The following DLGAP2 variants were observed in gnomAD, a reference collection of about 807,000 sequenced individuals.
The protein encoded by DLGAP2 is disks large-associated protein 2.
In DLGAP2, 26 loss-of-function variants were observed where a neutral mutation model predicts 100.3. The ratio of observed to expected loss-of-function variants is 0.26; its 90% CI spans 0.19 to 0.36. DLGAP2 has a LOEUF of 0.36. Ranked by LOEUF, DLGAP2 falls within the 10% of genes least tolerant of loss-of-function variation. The probability of loss-of-function intolerance (pLI) is 1.00; values close to 1 mark genes in which losing one functional copy is unlikely to be tolerated. For synonymous variants in DLGAP2, 886 were observed against 630.1 expected, an observed-to-expected ratio of 1.41 and a Z score of -6.08; for missense variants, 1,858 against 1,453.2, an observed-to-expected ratio of 1.28 and a Z score of -4.53.
intron 3 of DLGAP2, among the ~76,000 whole-genome samples, chr8:1,275,369 A>G (rs1799661690): frequency 6.6e-6 from 1 of 151,534 alleles, no homozygotes; most frequent in Non-Finnish European, 1.5e-5. Flanking sequence ...TGGAAAAAAA[A>G]AAAAACACAA....
In DLGAP2 at chr8:1,269,839, C is replaced by T. The variant is rs116223930; in HGVS notation, c.106+10956C>T. On this transcript the variant is annotated intron_variant, in intron 3 of 14. Coordinates refer to ENST00000637795, the MANE Select transcript of DLGAP2 (RefSeq NM_001346810.2). The stretch of plus-strand genomic sequence containing the variant: ...TAGAGAATCACCGTGGTGTAATGGG[C>T]GCGCCAGAAGCCCTGGAACCAAAAA... 5.2e-3 allele frequency among the ~76,000 whole-genome samples: 785 copies of T among 152,256 alleles called. 5 individuals carry two copies. The highest frequency in any genetic ancestry group is 0.018 in the African/African-American group (741 of 41,556).
At chr8:1,133,072 C>CAG (rs529520725) in intron 2 of DLGAP2, among the ~76,000 whole-genome samples, 14 of 152,278 alleles carry the variant, frequency 9.2e-5, no homozygotes, top group African/African-American at 3.4e-4. Flanking sequence ...CTGTGAAGGA[C>CAG]AGTTCAAGGG....
At chr8:1,107,541 C>T (rs143071102) in intron 2 of DLGAP2, among the ~76,000 whole-genome samples, 4 of 152,288 alleles carry the variant, frequency 2.6e-5, no homozygotes, top group East Asian at 1.9e-4. Flanking sequence ...GTGGGAAGCT[C>T]GTGTGCTGTT....
At chr8:1,380,528 C>A (rs184293098) in intron 3 of DLGAP2, among the ~76,000 whole-genome samples, 1 of 150,068 alleles carries the variant, frequency 6.7e-6, no homozygotes, top group East Asian at 2.1e-4. Context: ...AGGCTTTTTT[C>A]TGAGAAAGTG....
intron 3 of DLGAP2, among the ~76,000 whole-genome samples, chr8:1,324,936 C>G (rs1176354226): frequency 6.6e-6 from 1 of 152,202 alleles, no homozygotes; most frequent in South Asian, 2.1e-4. Flanking sequence ...CTGCTTGGCT[C>G]AGCCTTGCCC....
intron 3 of DLGAP2, chr8:1,369,135 G>T (rs1282884043): frequency 6.6e-6 from 1 of 152,150 alleles, no homozygotes; most frequent in Non-Finnish European, 1.5e-5. Flanking sequence ...ACAGTTCTAT[G>T]TTATAAAATA....
At chr8:1,244,352 T>C (rs1019714083) in intron 2 of DLGAP2, among the ~76,000 whole-genome samples, 2 of 152,266 alleles carry the variant, frequency 1.3e-5, no homozygotes, top group African/African-American at 4.8e-5. Flanking sequence ...CACTATTGGC[T>C]GAGCACATGT....
chr8:1,428,747 A>G (rs1176892686), intron 3 of DLGAP2, among the ~76,000 whole-genome samples: 1 of 152,212 alleles, frequency 6.6e-6, no homozygotes, highest in Non-Finnish European at 1.5e-5. Context: ...GTCAAGTGGA[A>G]GCTTTGCAGG....
intron 2 of DLGAP2, among the ~76,000 whole-genome samples, chr8:1,128,260 G>A (rs949298740): frequency 7.3e-5 from 11 of 150,532 alleles, no homozygotes; most frequent in African/African-American, 2.7e-4. Context: ...GTTGTGTTCG[G>A]TGAGGACCTG....
chr8:1,249,293 G>A (rs563678460), intron 2 of DLGAP2, among the ~76,000 whole-genome samples: 66 of 152,278 alleles, frequency 4.3e-4, no homozygotes, highest in African/African-American at 9.1e-4. Context: ...TGTGGGTCCC[G>A]TGGGAAGGTC....
chr8:1,176,522 T>C (rs1346477299), intron 2 of DLGAP2, among the ~76,000 whole-genome samples: 1 of 152,194 alleles, frequency 6.6e-6, no homozygotes, highest in Non-Finnish European at 1.5e-5. Flanking sequence ...GATCCTGCCC[T>C]CACAGCCGCC....
chr8:853,961 TA>T (rs1160643534), intron 1 of DLGAP2, among the ~76,000 whole-genome samples: 1 of 152,058 alleles, frequency 6.6e-6, no homozygotes, highest in African/African-American at 2.4e-5. Context: ...AGTGCCTTTT[TA>T]AAAGGGACCT....
At chr8:1,622,733 T>G (rs1047311956) in intron 6 of DLGAP2, among the ~76,000 whole-genome samples, 11 of 152,194 alleles carry the variant, frequency 7.2e-5, no homozygotes, top group African/African-American at 2.7e-4. Context: ...AAAAAAAAAT[T>G]CTGAGCTACT....
At chr8:1,423,295 G>A (rs1399725763) in intron 3 of DLGAP2, among the ~76,000 whole-genome samples, 3 of 152,014 alleles carry the variant, frequency 2.0e-5, no homozygotes, top group African/African-American at 7.3e-5. Flanking sequence ...GGCCTGCTCA[G>A]TCCATGGGAC....
intron 2 of DLGAP2, among the ~76,000 whole-genome samples, chr8:1,076,408 G>A (rs942293008): frequency 5.3e-5 from 8 of 152,216 alleles, no homozygotes; most frequent in Non-Finnish European, 1.0e-4. Context: ...TGCAGGAGAC[G>A]TACGGTATTT....
intron 2 of DLGAP2, among the ~76,000 whole-genome samples, chr8:1,226,268 C>T (rs984737161): frequency 6.6e-6 from 1 of 152,108 alleles, no homozygotes; most frequent in Non-Finnish European, 1.5e-5. Flanking sequence ...AAATGCGGTG[C>T]ACCATGGAAT....
intron 2 of DLGAP2, among the ~76,000 whole-genome samples, chr8:1,103,311 G>A (rs774197441): frequency 1.1e-4 from 17 of 152,200 alleles, no homozygotes; most frequent in Non-Finnish European, 1.8e-4. Context: ...TCTCAGAGTC[G>A]TATGGCCTTG....
chr8:1,672,725 A>G (rs1225170114), intron 10 of DLGAP2, among the ~76,000 whole-genome samples: 1 of 152,160 alleles, frequency 6.6e-6, no homozygotes, highest in Non-Finnish European at 1.5e-5. Flanking sequence ...GCTCTTCCTC[A>G]TGGCTGCCCC....
At chr8:1,571,912 G>C (rs79617301) in intron 6 of DLGAP2, among the ~76,000 whole-genome samples, 1 of 137,834 alleles carries the variant, frequency 7.3e-6, no homozygotes, top group African/African-American at 2.9e-5. Flanking sequence ...AGAGGAGAGA[G>C]GGTAAACTGT....
Sources: allele counts gnomAD v4.1 joint callset (sites outside exome capture counted in the v4.1 genomes callset), GRCh38; gene constraint gnomAD v4.1.1; transcripts MANE v1.5; gene names NCBI Gene and HGNC (gene_info 2026-07-23, HGNC 2026-07-21).